Variants in SUN1 observed in about 807,000 individuals in gnomAD.
SUN1 encodes Sad1 and UNC84 domain containing 1.
Under a neutral mutation model 103.2 loss-of-function variants are expected in SUN1, and 61 were observed. The ratio of observed to expected loss-of-function variants is 0.59; its 90% confidence interval spans 0.48 to 0.73. The LOEUF (loss-of-function observed/expected upper bound fraction) is 0.73, where lower values mean the gene tolerates loss of function less well. Among genes scored for constraint, SUN1 ranks in the 30% least tolerant of loss-of-function variants. The pLI, the probability that SUN1 is intolerant of heterozygous loss-of-function variation, is 0.00. For synonymous variants in SUN1, 490 were observed against 425.7 expected, an observed-to-expected ratio of 1.15 and a Z score of -1.86; for missense variants, 1,052 against 1,034.6, an observed-to-expected ratio of 1.02 and a Z score of -0.23.
At chr7:850,772 A>AAAAC (rs957532393) in intron 5 of SUN1, 14 of 147,998 alleles carry the variant, frequency 9.5e-5, no homozygotes, top group South Asian at 4.2e-4. Flanking sequence ...TAAATTAAAA[A>AAAAC]AAAAAAAAAA....
chr7:873,454 G>C lies in SUN1; in HGVS notation c.*123G>C, dbSNP rs1842997691. ...GTGCCACACTCCTTCAATAAACGTG[G>C]CTGCTGGCCAGAGGACGTGAGCGTG... On this transcript the variant is annotated 3_prime_UTR_variant, in exon 19 of 19. Transcript: ENST00000401592. The C allele has an allele frequency of 2.0e-6, 2 of 999,982 alleles. No homozygotes were observed. The highest frequency in any genetic ancestry group is 3.0e-6 in the Non-Finnish European group (2 of 669,194). The allele number at this position is 999,982 out of a possible 1,614,324, so 61.9% of individuals were successfully genotyped here. A position where few individuals can be genotyped will look rare whatever the true frequency, so the allele number is the denominator to read the frequency against.
At chr7:864,291 T>C (rs1234493514) in intron 15 of SUN1, among the ~76,000 whole-genome samples, 2 of 152,196 alleles carry the variant, frequency 1.3e-5, no homozygotes, top group Non-Finnish European at 2.9e-5. Flanking sequence ...CTCATGCCTG[T>C]AATCCCAGCA....
At chr7:856,797 TAGGTGGGCGGGGTTACAGCTC>T (rs1255273086) in intron 12 of SUN1, among the ~76,000 whole-genome samples, 1 of 152,178 alleles carries the variant, frequency 6.6e-6, no homozygotes. Context: ...CGTTGGCATC[TAGGTGGGCGGGGTTACAGCTC>T]AGCCTCATCT....
At chr7:848,696 C>T (rs1407479462) in intron 5 of SUN1, 17 of 1,002,820 alleles carry the variant, frequency 1.7e-5, no homozygotes, top group East Asian at 5.1e-5. Flanking sequence ...CCTCGCCAGG[C>T]GCCTCCCTCG....
chr7:830,210 C>T (rs1302171363), upstream of SUN1, among the ~76,000 whole-genome samples: 1 of 152,192 alleles, frequency 6.6e-6, no homozygotes. Context: ...TGGGAGAGCG[C>T]AGAGCACCTG....
intron 17 of SUN1, 105 bp from the exon 18 acceptor site, chr7:872,365 G>A: frequency 1.1e-6 from 1 of 880,532 alleles, no homozygotes; most frequent in Non-Finnish European, 1.8e-6. Context: ...CTGATGTGGA[G>A]GGAAACGGTC....
chr7:870,079 G>A (rs567891752), intron 17 of SUN1, among the ~76,000 whole-genome samples: 5 of 150,826 alleles, frequency 3.3e-5, no homozygotes, highest in African/African-American at 7.3e-5. Context: ...GGTGGCGCAC[G>A]CCTGTAATCC....
At chr7:852,277 G>T in intron 7 of SUN1, 1 of 598,846 alleles carries the variant, frequency 1.7e-6, no homozygotes, top group Non-Finnish European at 2.9e-6. Context: ...GGGAGGGCCT[G>T]GGCAGGATGG....
intron 1 of SUN1, among the ~76,000 whole-genome samples, chr7:820,760 T>C (rs542324542): frequency 6.6e-6 from 1 of 152,322 alleles, no homozygotes; most frequent in East Asian, 1.9e-4. Flanking sequence ...GAAAAGGTGT[T>C]GGAGTTTGTG....
In SUN1 at chr7:872,370, A is replaced by G. The variant is rs187068959; in HGVS notation, c.2149-100A>G. 274 of 917,832 alleles carry G rather than the reference A, an allele frequency of 3.0e-4. 1 individual carries two copies. In the African/African-American group the frequency reaches 4.1e-3, roughly 14 times the overall value. 56.9% of individuals were successfully genotyped at this position (917,832 alleles called of 1,614,324 possible). On this transcript the variant is annotated intron_variant, in intron 17 of 18. Transcript: ENST00000401592. ...CCTTCTCTTACTGATGTGGAGGGAAACGGTCCTGTTTGCTTAGTGCTGGCT... is the reference window on the plus strand; with the variant it reads ...CCTTCTCTTACTGATGTGGAGGGAAGCGGTCCTGTTTGCTTAGTGCTGGCT...
intron 10 of SUN1, among the ~76,000 whole-genome samples, 189 bp downstream of exon 10, chr7:853,807 A>G (rs1361835375): frequency 2.0e-5 from 3 of 152,222 alleles, no homozygotes; most frequent in African/African-American, 7.2e-5. Context: ...GCCGATGACC[A>G]GGAGCTGTGG....
chr7:848,430 T>C, intron 5 of SUN1: 2 of 1,359,756 alleles, frequency 1.5e-6, no homozygotes, highest in Non-Finnish European at 2.0e-6. Context: ...GGTGCGTCTT[T>C]CTACGTGAAT....
chr7:819,955 C>G (rs1784464222), intron 1 of SUN1, among the ~76,000 whole-genome samples: 1 of 152,160 alleles, frequency 6.6e-6, no homozygotes, highest in Non-Finnish European at 1.5e-5. Flanking sequence ...ATCTGCCCAC[C>G]TCGGCCTCCC....
chr7:871,897 C>T (rs951465784), intron 17 of SUN1, among the ~76,000 whole-genome samples: 25 of 152,208 alleles, frequency 1.6e-4, no homozygotes, highest in Admixed American at 2.6e-4. Context: ...AGTCCAGTGG[C>T]GTTAAGCCCA....
At chr7:827,477 T>TG (rs759775191), upstream of SUN1, among the ~76,000 whole-genome samples, 74 of 144,668 alleles carry the variant, frequency 5.1e-4, no homozygotes, top group East Asian at 1.0e-3. Flanking sequence ...TTTTTTTTTT[T>TG]TTTTTTTTTT....
chr7:870,880 T>G (rs546034659), intron 17 of SUN1, among the ~76,000 whole-genome samples: 34 of 133,002 alleles, frequency 2.6e-4, no homozygotes, highest in Non-Finnish European at 4.6e-4. Flanking sequence ...TTCTTTTTAT[T>G]TTCTTTCTTT....
Position 873,668 on chromosome 7 carries a change from G to T in SUN1, c.*337G>T. The T allele has an allele frequency of 4.6e-6, 1 of 218,754 alleles. No homozygotes were observed. Among genetic ancestry groups the T allele is most frequent in the Non-Finnish European group, 9.1e-6 (1 of 110,052 alleles). The allele number at this position is 218,754 out of a possible 1,614,324, so 13.6% of individuals were successfully genotyped here. ...GAAGCTGAGAGTCTGGCGTGTTCTTGACGCTTTGGTCTTCAGCCTTGCACT... is the reference window on the plus strand; with the variant it reads ...GAAGCTGAGAGTCTGGCGTGTTCTTTACGCTTTGGTCTTCAGCCTTGCACT... On this transcript the variant is annotated 3_prime_UTR_variant, in exon 19 of 19. Coordinates refer to ENST00000401592, the MANE Select transcript of SUN1 (RefSeq NM_001130965.3).
At chr7:843,172 A>T in intron 3 of SUN1, 34 bp from the exon 4 acceptor site, 2 of 1,593,916 alleles carry the variant, frequency 1.3e-6, no homozygotes, top group South Asian at 2.3e-5. Context: ...GCTCAACAGC[A>T]AAAATGTGTG....
intron 1 of SUN1, among the ~76,000 whole-genome samples, chr7:835,674 C>T (rs1802342535): frequency 6.6e-6 from 1 of 152,198 alleles, no homozygotes; most frequent in African/African-American, 2.4e-5. Context: ...TGCTCCCTGT[C>T]ACAGCTTGAG....
Sources: gnomAD v4.1 joint callset for allele counts (sites outside exome capture counted in the v4.1 genomes callset) on GRCh38, gnomAD v4.1.1 for gene constraint, MANE v1.5 for transcripts, NCBI Gene and HGNC (gene_info 2026-07-23, HGNC 2026-07-21) for gene names.